Variants in ANKRD6 observed in about 807,000 individuals in gnomAD.
The protein encoded by ANKRD6 is ankyrin repeat domain 6.
In ANKRD6, 56 loss-of-function variants were observed where a neutral mutation model predicts 82.3. That is an observed-to-expected ratio of 0.68 (90% CI 0.55 to 0.85). The LOEUF (loss-of-function observed/expected upper bound fraction) is 0.85, where lower values mean the gene tolerates loss of function less well. Ranked by LOEUF, ANKRD6 falls within the 40% of genes least tolerant of loss-of-function variation. The pLI is 0.00. For missense variants in ANKRD6, 852 were observed against 907.6 expected (o/e 0.94, Z 0.79); for synonymous variants, 347 against 352.1 (o/e 0.99, Z 0.16).
At chr6:89,507,600 G>T (rs371779635) in intron 1 of ANKRD6, among the ~76,000 whole-genome samples, 22 of 152,300 alleles carry the variant, frequency 1.4e-4, no homozygotes, top group African/African-American at 5.3e-4. Context: ...ATGGATGTTT[G>T]GTGGCCTCAT....
At chr6:89,434,129 G>A (rs1312118366) in intron 1 of ANKRD6, among the ~76,000 whole-genome samples, 2 of 152,202 alleles carry the variant, frequency 1.3e-5, no homozygotes, top group East Asian at 1.9e-4. Context: ...CTTCGGGCCC[G>A]TGAGATGGAG....
intron 1 of ANKRD6, among the ~76,000 whole-genome samples, chr6:89,451,350 A>G (rs1284589650): frequency 5.3e-5 from 8 of 152,152 alleles, no homozygotes; most frequent in Admixed American, 5.2e-4. Context: ...TCCTCTTTTC[A>G]GGAGCTCATC....
chr6:89,435,631 G>A (rs1016441210), intron 1 of ANKRD6, among the ~76,000 whole-genome samples: 3 of 152,178 alleles, frequency 2.0e-5, no homozygotes, highest in African/African-American at 4.8e-5. Context: ...TCCCTGGCAC[G>A]GATCCCGAAG....
At chr6:89,531,180 C>T (rs1783098511) in intron 1 of ANKRD6, among the ~76,000 whole-genome samples, 3 of 152,318 alleles carry the variant, frequency 2.0e-5, no homozygotes, top group South Asian at 2.1e-4. Flanking sequence ...AAGGTGCGCT[C>T]CTGTCTGGGA....
intron 1 of ANKRD6, among the ~76,000 whole-genome samples, chr6:89,444,629 A>G (rs1475033680): frequency 6.6e-6 from 1 of 152,242 alleles, no homozygotes; most frequent in South Asian, 2.1e-4. Flanking sequence ...GGATATATCT[A>G]GGGAAATTGA....
In ANKRD6 at chr6:89,627,612, G is replaced by A; in HGVS notation, c.1401G>A (p.Glu467=). Residue 467 remains glutamate (E), a synonymous_variant, in exon 14 of 16, where the codon GAG becomes GAA. Coordinates refer to ENST00000339746, the MANE Select transcript of ANKRD6 (RefSeq NM_001242809.2). ...QMRVLDKLMV[E]RLSAERTECL... is the part of the protein sequence containing the mutation. Reference sequence around the variant, plus strand: ...GTGTTTTGGACAAGCTGATGGTTGAGCGACTTTCTGCAGAGAGGACGGAGT... The same window carrying A: ...GTGTTTTGGACAAGCTGATGGTTGAACGACTTTCTGCAGAGAGGACGGAGT... 1 of 1,613,846 alleles carries A rather than the reference G, an allele frequency of 6.2e-7. No individual in the cohort carries two copies. Among genetic ancestry groups the A allele is most frequent in the Non-Finnish European group, 8.5e-7 (1 of 1,179,790 alleles).
At position 89,566,845 on chromosome 6, in the gene ANKRD6, G is replaced by A; in HGVS notation, c.-132G>A. Reference sequence around the variant, plus strand: ...TTTGTAACCCCTAGGTCCCGAAGATGGCATATTCATAAAGACATCTTCTGA... The same window carrying A: ...TTTGTAACCCCTAGGTCCCGAAGATAGCATATTCATAAAGACATCTTCTGA... On this transcript the variant is annotated 5_prime_UTR_variant, in exon 2 of 16. The change abolishes an upstream ATG in the 5' untranslated region. Transcript: ENST00000339746. The A allele has an allele frequency of 1.6e-6, 2 of 1,282,656 alleles. No individual in the cohort carries two copies. Among genetic ancestry groups the A allele is most frequent in the Non-Finnish European group, 1.1e-6 (1 of 935,582 alleles). 79.5% of individuals were successfully genotyped at this position (1,282,656 alleles called of 1,614,324 possible).
chr6:89,459,279 T>C (rs898894061), intron 1 of ANKRD6, among the ~76,000 whole-genome samples: 1 of 152,086 alleles, frequency 6.6e-6, no homozygotes, highest in Non-Finnish European at 1.5e-5. Context: ...AGTTTCTCCA[T>C]GTTGGTCAGG....
chr6:89,552,527 A>G (rs1026188896), intron 1 of ANKRD6, among the ~76,000 whole-genome samples: 5 of 152,232 alleles, frequency 3.3e-5, no homozygotes, highest in African/African-American at 1.2e-4. Context: ...CTTGGGAACT[A>G]TAAAGAAGAG....
In ANKRD6 at chr6:89,632,781, C is replaced by T. The variant is rs1271160859; in HGVS notation, c.*1777C>T. The T allele has an allele frequency of 6.6e-6, 1 of 152,172 alleles. No homozygotes were observed. Among genetic ancestry groups the T allele is most frequent in the Non-Finnish European group, 1.5e-5 (1 of 68,034 alleles). 9.4% of individuals were successfully genotyped at this position (152,172 alleles called of 1,614,324 possible). ...TTGTTCCTAATACAGAATTGTAGAGCTGGAGAGTACCTTCAGTTTTCTAAA... is the reference window on the plus strand; with the variant it reads ...TTGTTCCTAATACAGAATTGTAGAGTTGGAGAGTACCTTCAGTTTTCTAAA... On this transcript the variant is annotated 3_prime_UTR_variant, in exon 16 of 16. Transcript: ENST00000339746.
intron 1 of ANKRD6, among the ~76,000 whole-genome samples, chr6:89,545,707 C>A (rs139059637): frequency 6.6e-6 from 1 of 152,102 alleles, no homozygotes; most frequent in Non-Finnish European, 1.5e-5. Context: ...TTGAATCAAA[C>A]GTGGTTGTTG....
At chr6:89,451,448 C>T (rs1012044952) in intron 1 of ANKRD6, among the ~76,000 whole-genome samples, 1 of 152,142 alleles carries the variant, frequency 6.6e-6, no homozygotes, top group African/African-American at 2.4e-5. Flanking sequence ...AAAATGGTAG[C>T]TCTGTATCAT....
chr6:89,580,600 C>T (rs1792297801), intron 2 of ANKRD6, among the ~76,000 whole-genome samples: 1 of 151,854 alleles, frequency 6.6e-6, no homozygotes, highest in African/African-American at 2.4e-5. Context: ...CCTGCTGCCA[C>T]TCGCTGGGCT....
At chr6:89,559,182 A>G (rs1232502597) in intron 1 of ANKRD6, among the ~76,000 whole-genome samples, 1 of 152,170 alleles carries the variant, frequency 6.6e-6, no homozygotes, top group Non-Finnish European at 1.5e-5. Flanking sequence ...CTCATTTTCT[A>G]ACACCATCAC....
At chr6:89,444,661 A>G (rs1464921513) in intron 1 of ANKRD6, among the ~76,000 whole-genome samples, 4 of 152,338 alleles carry the variant, frequency 2.6e-5, no homozygotes, top group Admixed American at 1.3e-4. Context: ...GTTTATTAAT[A>G]GGGACTTTAG....
intron 1 of ANKRD6, among the ~76,000 whole-genome samples, chr6:89,461,118 T>C (rs549467513): frequency 6.6e-6 from 1 of 152,316 alleles, no homozygotes; most frequent in East Asian, 1.9e-4. Context: ...TTTGCCATAT[T>C]GGCCATGCTA....
At chr6:89,451,777 A>G (rs887594647) in intron 1 of ANKRD6, among the ~76,000 whole-genome samples, 1 of 152,234 alleles carries the variant, frequency 6.6e-6, no homozygotes, top group African/African-American at 2.4e-5. Context: ...TAAAAATAGA[A>G]CATAAAATAT....
intron 7 of ANKRD6, 40 bp downstream of exon 7, chr6:89,613,930 C>G: frequency 6.2e-7 from 1 of 1,600,540 alleles, no homozygotes; most frequent in Admixed American, 1.7e-5. Context: ...CAGCACCCTT[C>G]CCACAAGGCT....
At chr6:89,457,328 G>C (rs1582698796) in intron 1 of ANKRD6, among the ~76,000 whole-genome samples, 1 of 152,164 alleles carries the variant, frequency 6.6e-6, no homozygotes, top group African/African-American at 2.4e-5. Context: ...CAGGATTATT[G>C]GAAACTGTCT....
Sources: allele counts gnomAD v4.1 joint callset (sites outside exome capture counted in the v4.1 genomes callset), GRCh38; gene constraint gnomAD v4.1.1; transcripts MANE v1.5; gene names NCBI Gene and HGNC (gene_info 2026-07-23, HGNC 2026-07-21).